GRIP2: variants seen among roughly 807,000 people sequenced by gnomAD.
GRIP2 encodes glutamate receptor-interacting protein 2.
Under a neutral mutation model 108.3 loss-of-function variants are expected in GRIP2, and 58 were observed. The ratio of observed to expected loss-of-function variants is 0.54; its 90% confidence interval spans 0.43 to 0.67. The LOEUF is 0.67. GRIP2 is among the 30% of genes least tolerant of loss of function. The probability of loss-of-function intolerance (pLI) is 0.00; values close to 1 mark genes in which losing one functional copy is unlikely to be tolerated. For synonymous variants in GRIP2, 586 were observed against 598.2 expected, an observed-to-expected ratio of 0.98 and a Z score of 0.30; for missense variants, 1,278 against 1,430.6, an observed-to-expected ratio of 0.89 and a Z score of 1.72.
chr3:14,536,186 A>G (rs991337234), intron 1 of GRIP2, among the ~76,000 whole-genome samples: 2 of 152,236 alleles, frequency 1.3e-5, no homozygotes, highest in African/African-American at 4.8e-5. Flanking sequence ...AGTAGCACCC[A>G]GTGTTGGGCC....
chr3:14,511,053 A>G lies in GRIP2; in HGVS notation c.1933+112T>C, dbSNP rs1410938758. The G allele has an allele frequency of 2.4e-6, 3 of 1,276,306 alleles. No homozygotes were observed. In the Admixed American group the frequency reaches 7.0e-5, roughly 30 times the overall value. 79.1% of individuals were successfully genotyped at this position (1,276,306 alleles called of 1,614,324 possible). On this transcript the variant is annotated intron_variant, in intron 16 of 23. Transcript: ENST00000621039. The surrounding 1 kb of genome is among the most constrained non-coding windows in gnomAD (Gnocchi z 4.1). Reference sequence around the variant, plus strand: ...TTGTTCATTCCAGCCAGCCTTCAGCAGCGCCCACCACCCTCCCTTCCTCGG... The same window carrying G: ...TTGTTCATTCCAGCCAGCCTTCAGCGGCGCCCACCACCCTCCCTTCCTCGG...
the GRIP2 span, among the ~76,000 whole-genome samples, chr3:14,599,677 C>CTG: frequency 1.6e-3 from 168 of 103,350 alleles, no homozygotes; most frequent in African/African-American, 6.2e-3. Context: ...CTCTCTCTCT[C>CTG]TCTCTCTCTG....
chr3:14,494,814 C>A (rs1326786176), intron 23 of GRIP2, 29 bp downstream of exon 23: 1 of 1,601,176 alleles, frequency 6.2e-7, no homozygotes, highest in East Asian at 2.2e-5. Flanking sequence ...AATGCCACCC[C>A]CACTATGGAG....
At chr3:14,596,354 T>C in the GRIP2 span, among the ~76,000 whole-genome samples, 3 of 152,170 alleles carry the variant, frequency 2.0e-5, no homozygotes, top group African/African-American at 7.2e-5. Context: ...TTTGTTTAGA[T>C]TGGTGGTTAA....
chr3:14,590,197 C>A, the GRIP2 span, among the ~76,000 whole-genome samples: 3 of 152,180 alleles, frequency 2.0e-5, no homozygotes, highest in East Asian at 3.8e-4. Flanking sequence ...GTGAGGCTGG[C>A]CTTCTTTCAG....
rs1446474684 is a variant in GRIP2 at position 14,522,933 on chromosome 3, C to T, written c.566+67G>A. On this transcript the variant is annotated intron_variant, in intron 6 of 23. Coordinates refer to ENST00000621039, the MANE Select transcript of GRIP2 (RefSeq NM_001080423.4). This position sits in a 1 kb window ranked among gnomAD's most constrained non-coding sequence, Gnocchi z 4.3. Reference sequence around the variant, plus strand: ...GGGGAAGGGGCATGGTGACCCCACTCCACCTTCTTCGCAGGGGAGTTGGGG... The same window carrying T: ...GGGGAAGGGGCATGGTGACCCCACTTCACCTTCTTCGCAGGGGAGTTGGGG... The T allele has an allele frequency of 5.2e-6, 7 of 1,357,212 alleles. No homozygotes were observed. The East Asian group carries it at 1.6e-4, about 31-fold the overall frequency. The allele number at this position is 1,357,212 out of a possible 1,614,324, so 84.1% of individuals were successfully genotyped here. A position where few individuals can be genotyped will look rare whatever the true frequency, so the allele number is the denominator to read the frequency against.
chr3:14,565,651 C>T, the GRIP2 span, among the ~76,000 whole-genome samples: 3,921 of 152,306 alleles, frequency 0.026, 196 homozygotes, highest in African/African-American at 0.088. Flanking sequence ...CACTCCGGGC[C>T]TTGGCATCCT....
Position 14,505,726 on chromosome 3 carries a change from A to G in GRIP2, c.2462T>C (p.Leu821Pro). 6.3e-7 allele frequency: 1 copy of G among 1,588,294 alleles called. No individual in the cohort carries two copies. Among genetic ancestry groups the G allele is most frequent in the East Asian group, 2.3e-5 (1 of 43,644 alleles). Reference protein sequence around the residue: ...TTPQERRPGWLRGSPPPTEPR... With the variant: ...TTPQERRPGWPRGSPPPTEPR... Reference sequence around the variant, plus strand: ...CTCGGTGGGTGGGGGGCTGCCCCTCAGCCAGCCAGGCCTCCGCTCCTGGGG... The same window carrying G: ...CTCGGTGGGTGGGGGGCTGCCCCTCGGCCAGCCAGGCCTCCGCTCCTGGGG... The change falls in exon 20 of 24, where the codon CTG (leucine) becomes CCG (proline). Residue 821 changes from leucine (L) to proline (P), a missense_variant. Transcript: ENST00000621039. This position sits in a 1 kb window ranked among gnomAD's most constrained non-coding sequence, Gnocchi z 4.2.
intron 3 of GRIP2, 34 bp from the exon 4 acceptor site, chr3:14,524,572 AG>A: frequency 6.5e-7 from 1 of 1,547,188 alleles, no homozygotes; most frequent in Non-Finnish European, 8.7e-7. Context: ...ACATGGTAAC[AG>A]GTGCTGGCCC....
the GRIP2 span, among the ~76,000 whole-genome samples, chr3:14,597,033 C>T: frequency 6.6e-5 from 10 of 152,316 alleles, no homozygotes; most frequent in African/African-American, 1.7e-4. Context: ...GCAGCCACTG[C>T]GCCCAGCCAG....
chr3:14,583,130 T>C, the GRIP2 span, among the ~76,000 whole-genome samples: 1 of 152,196 alleles, frequency 6.6e-6, no homozygotes, highest in Non-Finnish European at 1.5e-5. Context: ...CCTCTCCAGC[T>C]TTCTTTCGGC....
intron 21 of GRIP2, among the ~76,000 whole-genome samples, chr3:14,499,674 A>C (rs1226218519): frequency 6.6e-6 from 1 of 152,154 alleles, no homozygotes; most frequent in Non-Finnish European, 1.5e-5. Flanking sequence ...TAGTGAGCCA[A>C]GCGAGCCAAG....
intron 1 of GRIP2, among the ~76,000 whole-genome samples, chr3:14,529,789 T>G (rs12492636): frequency 0.25 from 37,953 of 152,188 alleles, 4,926 homozygotes; most frequent in Middle Eastern, 0.31. Flanking sequence ...GTAGACTGTT[T>G]CCTCGTGTGG....
the GRIP2 span, among the ~76,000 whole-genome samples, chr3:14,577,932 C>T: frequency 6.6e-6 from 1 of 152,256 alleles, no homozygotes; most frequent in East Asian, 1.9e-4. Flanking sequence ...TGCAACAGAA[C>T]AGTGGCCTCA....
At chr3:14,493,921 G>A in intron 23 of GRIP2, 95 bp from the exon 24 acceptor site, 2 of 1,373,284 alleles carry the variant, frequency 1.5e-6, no homozygotes, top group Non-Finnish European at 2.0e-6. Flanking sequence ...GATGGGTCCT[G>A]CCCCAGCCTT....
chr3:14,556,659 G>T (rs930498350), upstream of GRIP2, among the ~76,000 whole-genome samples: 1 of 152,170 alleles, frequency 6.6e-6, no homozygotes, highest in Admixed American at 6.5e-5. Flanking sequence ...CGTAGCATGG[G>T]GATACCCAGA....
chr3:14,568,841 C>A, the GRIP2 span, among the ~76,000 whole-genome samples: 1 of 152,178 alleles, frequency 6.6e-6, no homozygotes, highest in Non-Finnish European at 1.5e-5. Context: ...CAGCAAACCA[C>A]CCCCATGGGC....
At chr3:14,495,048 C>G (rs1693548697) in intron 22 of GRIP2, 59 bp from the exon 23 acceptor site, 3 of 1,590,436 alleles carry the variant, frequency 1.9e-6, no homozygotes, top group African/African-American at 2.7e-5. Flanking sequence ...CAGCCTCTCA[C>G]AGTAGCCCAG....
chr3:14,522,722 G>A lies in GRIP2; in HGVS notation c.566+278C>T, dbSNP rs927378358. On this transcript the variant is annotated intron_variant, in intron 6 of 23. Coordinates refer to ENST00000621039, the MANE Select transcript of GRIP2 (RefSeq NM_001080423.4). This position sits in a 1 kb window ranked among gnomAD's most constrained non-coding sequence, Gnocchi z 4.3. ...ATTCCACAGACGGGAAAACCAAGGA[G>A]CAGGAAAGGGAAGAACGACACCAAG... The A allele has an allele frequency of 2.3e-6, 1 of 435,752 alleles. No individual in the cohort carries two copies. Among genetic ancestry groups the A allele is most frequent in the Non-Finnish European group, 4.2e-6 (1 of 239,798 alleles). The allele number at this position is 435,752 out of a possible 1,614,324, so 27.0% of individuals were successfully genotyped here. A position where few individuals can be genotyped will look rare whatever the true frequency, so the allele number is the denominator to read the frequency against.
Sources: gnomAD v4.1 joint callset for allele counts (sites outside exome capture counted in the v4.1 genomes callset) on GRCh38, gnomAD v4.1.1 for gene constraint, Gnocchi (gnomAD v3.1) non-coding constraint, MANE v1.5 for transcripts, NCBI Gene and HGNC (gene_info 2026-07-23, HGNC 2026-07-21) for gene names.